Variants in PTPRM observed in about 807,000 individuals in gnomAD.
PTPRM encodes the protein protein tyrosine phosphatase receptor type M.
A neutral mutation model predicts 186.7 loss-of-function variants in PTPRM; 47 were observed. That is an observed-to-expected ratio of 0.25 (90% CI 0.20 to 0.32). PTPRM has a LOEUF of 0.32. Ranked by LOEUF, PTPRM falls within the 10% of genes least tolerant of loss-of-function variation. PTPRM has a pLI of 1.00. For missense variants in PTPRM, 1,494 were observed against 1,865.0 expected, an observed-to-expected ratio of 0.80 and a Z score of 3.66; for synonymous variants, 668 against 674.9, an observed-to-expected ratio of 0.99 and a Z score of 0.16.
At chr18:7,659,156 A>ACACACACACACAAT (rs771452260) in intron 1 of PTPRM, among the ~76,000 whole-genome samples, 1 of 137,894 alleles carries the variant, frequency 7.3e-6, no homozygotes, top group African/African-American at 2.9e-5. Context: ...ACACACACAC[A>ACACACACACACAAT]ATCTCCCTTC....
chr18:7,905,003 A>G (rs1173973042), intron 3 of PTPRM, among the ~76,000 whole-genome samples: 1 of 148,776 alleles, frequency 6.7e-6, no homozygotes, highest in Non-Finnish European at 1.5e-5. Context: ...ATTTTTTTTT[A>G]TTTTGTTGAG....
chr18:8,168,875 T>A (rs1158788964), intron 14 of PTPRM, among the ~76,000 whole-genome samples: 1 of 152,222 alleles, frequency 6.6e-6, no homozygotes, highest in Non-Finnish European at 1.5e-5. Flanking sequence ...TTCACACCTT[T>A]ACTTATAGCA....
At chr18:7,601,704 T>A (rs1357972562) in intron 1 of PTPRM, among the ~76,000 whole-genome samples, 1 of 152,208 alleles carries the variant, frequency 6.6e-6, no homozygotes, top group Admixed American at 6.5e-5. Context: ...TTGATCATAT[T>A]TTAAAAGACC....
chr18:8,295,572 G>A (rs1263474502), intron 19 of PTPRM, among the ~76,000 whole-genome samples: 1 of 152,136 alleles, frequency 6.6e-6, no homozygotes, highest in East Asian at 1.9e-4. Context: ...GTGCCAGGAA[G>A]TATGTGAGTA....
At chr18:8,056,598 G>A (rs540339009) in intron 7 of PTPRM, among the ~76,000 whole-genome samples, 7 of 151,926 alleles carry the variant, frequency 4.6e-5, no homozygotes, top group Non-Finnish European at 8.8e-5. Flanking sequence ...CTCCAGCCTG[G>A]GCGAAAGAGT....
At chr18:7,583,100 GC>G (rs1267634749) in intron 1 of PTPRM, among the ~76,000 whole-genome samples, 18 of 152,224 alleles carry the variant, frequency 1.2e-4, no homozygotes, top group African/African-American at 4.3e-4. Context: ...CAATAACCTT[GC>G]CTTGTATTTT....
At chr18:8,268,586 G>C (rs192244238) in intron 19 of PTPRM, among the ~76,000 whole-genome samples, 1 of 151,906 alleles carries the variant, frequency 6.6e-6, no homozygotes, top group African/African-American at 2.4e-5. Context: ...TTACAAGGCC[G>C]ATATTACCCT....
In PTPRM at chr18:7,982,284, CTT is replaced by C. The variant is rs60537289; in HGVS notation, c.1132+26886_1132+26887del. On this transcript the variant is annotated intron_variant, in intron 7 of 32. Coordinates refer to ENST00000580170, the MANE Select transcript of PTPRM (RefSeq NM_001105244.2). ...GCTGTTTTCTGTTTTTAAGTTTTTA[CTT>C]TTTTTTTTTTTTTTTACTTTTAAAA... Among the ~76,000 whole-genome samples, 1,344 of 136,164 alleles carry C rather than the reference CTT, an allele frequency of 9.9e-3. 9 individuals carry two copies. Among genetic ancestry groups the C allele is most frequent in the Non-Finnish European group, 0.013 (786 of 62,646 alleles). 89.3% of individuals were successfully genotyped at this position (136,164 alleles called of 152,430 possible).
rs2093275978 is a variant in PTPRM at position 8,163,956 on chromosome 18, C to T, written c.2300+20177C>T. On this transcript the variant is annotated intron_variant, in intron 14 of 32. Transcript: ENST00000580170. ...AATCATTTCTCTTTCAGATGTTATA[C>T]TGCTAATTTTAGTGATAATACGTGA... Among the ~76,000 whole-genome samples the T allele has an allele frequency of 2.0e-5, 3 of 152,186 alleles. No individual in the cohort carries two copies. In the South Asian group the frequency reaches 6.2e-4, roughly 31 times the overall value.
chr18:7,984,226 G>A (rs748695944), intron 7 of PTPRM, among the ~76,000 whole-genome samples: 1 of 152,044 alleles, frequency 6.6e-6, no homozygotes, highest in Non-Finnish European at 1.5e-5. Context: ...GAGGGCATTA[G>A]AGTTTATAAG....
At chr18:8,350,074 C>T (rs2095526388) in intron 23 of PTPRM, among the ~76,000 whole-genome samples, 1 of 152,192 alleles carries the variant, frequency 6.6e-6, no homozygotes, top group Admixed American at 6.5e-5. Flanking sequence ...GGCCAAACTC[C>T]CTACCAATAG....
At chr18:8,071,745 C>G (rs565752964) in intron 8 of PTPRM, among the ~76,000 whole-genome samples, 170 of 152,322 alleles carry the variant, frequency 1.1e-3, no homozygotes, top group Non-Finnish European at 2.1e-3. Flanking sequence ...GCTTCTCAAG[C>G]TCGCCTACTC....
At chr18:7,580,907 A>T (rs909898400) in intron 1 of PTPRM, among the ~76,000 whole-genome samples, 2 of 152,196 alleles carry the variant, frequency 1.3e-5, no homozygotes, top group African/African-American at 4.8e-5. Context: ...TGCTAGGAAG[A>T]TATTAAGTGA....
intron 1 of PTPRM, among the ~76,000 whole-genome samples, chr18:7,761,753 C>G (rs1384227820): frequency 6.6e-6 from 1 of 152,118 alleles, no homozygotes; most frequent in Non-Finnish European, 1.5e-5. Flanking sequence ...TATCCCTTCC[C>G]CTTTTCCTCC....
intron 2 of PTPRM, among the ~76,000 whole-genome samples, chr18:7,802,178 G>T (rs1300366992): frequency 6.6e-6 from 1 of 152,030 alleles, no homozygotes; most frequent in Non-Finnish European, 1.5e-5. Flanking sequence ...GTTTCCTGAG[G>T]ATCATCACCT....
At chr18:7,831,272 T>A (rs2045746945) in intron 2 of PTPRM, among the ~76,000 whole-genome samples, 1 of 152,186 alleles carries the variant, frequency 6.6e-6, no homozygotes, top group South Asian at 2.1e-4. Flanking sequence ...ACTCTGCCTT[T>A]CTTATCATGT....
chr18:8,015,204 C>G (rs1253407881), intron 7 of PTPRM, among the ~76,000 whole-genome samples: 2 of 152,086 alleles, frequency 1.3e-5, no homozygotes, highest in East Asian at 3.9e-4. Context: ...AGGTGTATGA[C>G]AAAATGAGAC....
At chr18:7,572,911 G>A (rs2143363280) in intron 1 of PTPRM, among the ~76,000 whole-genome samples, 1 of 152,052 alleles carries the variant, frequency 6.6e-6, no homozygotes. Flanking sequence ...TTGCTTTTTT[G>A]CTTCCTAAAA....
intron 1 of PTPRM, among the ~76,000 whole-genome samples, chr18:7,761,704 T>G (rs2041783198): frequency 6.6e-6 from 1 of 152,190 alleles, no homozygotes. Flanking sequence ...GTTGTCTTCC[T>G]TGAGGACAAG....
Sources: allele counts gnomAD v4.1 joint callset (sites outside exome capture counted in the v4.1 genomes callset), GRCh38; gene constraint gnomAD v4.1.1; transcripts MANE v1.5; gene names NCBI Gene and HGNC (gene_info 2026-07-23, HGNC 2026-07-21).